The following TENM2 variants were observed in gnomAD, a reference collection of about 807,000 sequenced individuals.
The protein encoded by TENM2 is teneurin-2.
A neutral mutation model predicts 245.2 loss-of-function variants in TENM2; 52 were observed. That is an observed-to-expected ratio of 0.21 (90% confidence interval 0.17 to 0.27). The LOEUF is 0.27. Among genes scored for constraint, TENM2 ranks in the 10% least tolerant of loss-of-function variants. The pLI is 1.00. For synonymous variants in TENM2, 1,363 were observed against 1,438.9 expected, an observed-to-expected ratio of 0.95 and a Z score of 1.19; for missense variants, 3,046 against 3,666.8, an observed-to-expected ratio of 0.83 and a Z score of 4.37.
At chr5:167,716,619 A>G (rs2150502472) in intron 2 of TENM2, among the ~76,000 whole-genome samples, 1 of 152,326 alleles carries the variant, frequency 6.6e-6, no homozygotes, top group East Asian at 1.9e-4. Flanking sequence ...TTTGTTTTTA[A>G]TAAATAAAAT....
At chr5:167,702,552 G>GTATACA (rs1758218654) in intron 2 of TENM2, among the ~76,000 whole-genome samples, 1 of 136,782 alleles carries the variant, frequency 7.3e-6, no homozygotes, top group Non-Finnish European at 1.5e-5. Context: ...GTGTGTGTGT[G>GTATACA]TATATATATA....
chr5:167,795,666 G>A (rs13166995), intron 2 of TENM2, among the ~76,000 whole-genome samples: 83,345 of 151,738 alleles, frequency 0.55, 25,692 homozygotes, highest in Non-Finnish European at 0.71. Context: ...GCTCCCAAAA[G>A]TAAAAGAAAG....
chr5:167,378,347 A>G (rs1760888026), intron 2 of TENM2, among the ~76,000 whole-genome samples: 1 of 151,014 alleles, frequency 6.6e-6, no homozygotes, highest in African/African-American at 2.4e-5. Flanking sequence ...CCCATCAAAC[A>G]GATGAACCTG....
intron 2 of TENM2, among the ~76,000 whole-genome samples, chr5:167,587,808 A>C (rs991233864): frequency 6.6e-6 from 1 of 152,202 alleles, no homozygotes; most frequent in African/African-American, 2.4e-5. Flanking sequence ...AGTTTCCCAC[A>C]GTGATGCAGT....
chr5:167,383,096 CTT>C (rs1376191293), intron 2 of TENM2, among the ~76,000 whole-genome samples: 1 of 151,886 alleles, frequency 6.6e-6, no homozygotes, highest in African/African-American at 2.4e-5. Flanking sequence ...GTGTATGTCT[CTT>C]TGTATTTGTG....
chr5:167,474,902 C>G (rs1767268196), intron 2 of TENM2, among the ~76,000 whole-genome samples: 1 of 152,152 alleles, frequency 6.6e-6, no homozygotes, highest in Admixed American at 6.5e-5. Context: ...GGACTGTTTT[C>G]AAATTTTGCC....
At chr5:168,036,634 C>T (rs1253425315) in intron 5 of TENM2, among the ~76,000 whole-genome samples, 2 of 60,576 alleles carry the variant, frequency 3.3e-5, no homozygotes, top group South Asian at 5.3e-4. Context: ...GAAACTCCAT[C>T]AAAAAAAAAA....
intron 2 of TENM2, among the ~76,000 whole-genome samples, chr5:167,764,784 A>C (rs1762898861): frequency 1.3e-5 from 2 of 152,018 alleles, no homozygotes; most frequent in Admixed American, 1.3e-4. Flanking sequence ...GCCCACGGGG[A>C]GCTCTCCCCT....
At chr5:167,878,042 A>C (rs36055428) in intron 3 of TENM2, among the ~76,000 whole-genome samples, 58,611 of 152,150 alleles carry the variant, frequency 0.39, 13,720 homozygotes, top group Non-Finnish European at 0.52. Flanking sequence ...CCTTTTATGC[A>C]TATATGGATA....
At chr5:167,268,596 T>C in the TENM2 span, among the ~76,000 whole-genome samples, 1 of 152,198 alleles carries the variant, frequency 6.6e-6, no homozygotes, top group East Asian at 1.9e-4. Flanking sequence ...GTCTTGCTTT[T>C]GTTATGTACA....
chr5:168,072,540 C>G (rs1022069778), intron 7 of TENM2, among the ~76,000 whole-genome samples: 2 of 152,042 alleles, frequency 1.3e-5, no homozygotes, highest in African/African-American at 4.8e-5. Context: ...GAGATGGAGA[C>G]CTGACAAGTT....
chr5:168,225,604 T>C (rs1184372999), intron 23 of TENM2, among the ~76,000 whole-genome samples: 1 of 151,718 alleles, frequency 6.6e-6, no homozygotes, highest in Non-Finnish European at 1.5e-5. Flanking sequence ...CTACAAAAAA[T>C]GCAAAAATTG....
At chr5:167,045,237 C>T in the TENM2 span, among the ~76,000 whole-genome samples, 2 of 152,170 alleles carry the variant, frequency 1.3e-5, no homozygotes, top group Admixed American at 1.3e-4. Context: ...TATTAGCTAT[C>T]TATGTGTACT....
chr5:168,149,736 A>G lies in TENM2; in HGVS notation c.2423-12875A>G, dbSNP rs190508610. ...TCAGATCAGGCCACTCCTCTGCTCA[A>G]AAGCTTCCAATGACTTCTTTTCACT... On this transcript the variant is annotated intron_variant, in intron 12 of 28. Coordinates refer to ENST00000518659, the Ensembl canonical transcript of TENM2. Among the ~76,000 whole-genome samples, 37 of 152,262 alleles carry G rather than the reference A, an allele frequency of 2.4e-4. 1 individual carries two copies. The East Asian group carries it at 6.2e-3, about 25-fold the overall frequency.
chr5:167,191,328 A>G, the TENM2 span, among the ~76,000 whole-genome samples: 10 of 152,178 alleles, frequency 6.6e-5, no homozygotes, highest in Admixed American at 2.0e-4. Flanking sequence ...TGTGAATCGG[A>G]TAGATTGGTT....
chr5:168,028,127 G>A (rs926999876), intron 5 of TENM2, among the ~76,000 whole-genome samples: 2 of 152,142 alleles, frequency 1.3e-5, no homozygotes, highest in African/African-American at 4.8e-5. Flanking sequence ...TCTATGGAGG[G>A]CACTAGCACT....
chr5:167,253,192 G>A, the TENM2 span, among the ~76,000 whole-genome samples: 1 of 151,314 alleles, frequency 6.6e-6, no homozygotes, highest in African/African-American at 2.4e-5. Context: ...CCAGGGTCAA[G>A]CAATCCTCCC....
the TENM2 span, among the ~76,000 whole-genome samples, chr5:166,985,993 G>A: frequency 6.6e-6 from 1 of 152,150 alleles, no homozygotes; most frequent in Non-Finnish European, 1.5e-5. Context: ...ATGTTCAAAG[G>A]TGTGTGTTGG....
exon 29 of TENM2, chr5:168,262,291 C>T (rs17632540): frequency 0.28 from 455,774 of 1,608,068 alleles, 68,453 homozygotes; most frequent in South Asian, 0.36. Flanking sequence ...TGCTGAACAA[C>T]GCCTACTACC....
Sources: gnomAD v4.1 joint callset for allele counts (sites outside exome capture counted in the v4.1 genomes callset) on GRCh38, gnomAD v4.1.1 for gene constraint, MANE v1.5 for transcripts, NCBI Gene and HGNC (gene_info 2026-07-23, HGNC 2026-07-21) for gene names.